The following TMEFF1 variants were observed in gnomAD, a reference collection of about 807,000 sequenced individuals.
TMEFF1 encodes transmembrane protein with EGF like and two follistatin like domains 1.
In TMEFF1, 20 loss-of-function variants were observed where a neutral mutation model predicts 47.5. The observed-to-expected ratio is 0.42, with a 90% CI of 0.30 to 0.61. The LOEUF is 0.61. Among genes scored for constraint, TMEFF1 ranks in the 20% least tolerant of loss-of-function variants. The pLI, the probability that TMEFF1 is intolerant of heterozygous loss-of-function variation, is 0.19. For synonymous variants in TMEFF1, 162 were observed against 166.3 expected (o/e 0.97, Z 0.20); for missense variants, 411 against 471.1 (o/e 0.87, Z 1.18).
intron 1 of TMEFF1, among the ~76,000 whole-genome samples, chr9:100,483,683 A>C (rs1220766369): frequency 1.3e-5 from 2 of 152,146 alleles, no homozygotes; most frequent in African/African-American, 4.8e-5. Flanking sequence ...AACTTAGAAA[A>C]ATGTTGTAAT....
intron 7 of TMEFF1, among the ~76,000 whole-genome samples, chr9:100,555,342 G>A (rs1388191530): frequency 6.6e-6 from 1 of 152,170 alleles, no homozygotes; most frequent in Non-Finnish European, 1.5e-5. Context: ...TGTTGTTTCC[G>A]AAACCATGTT....
chr9:100,479,110 GA>G (rs1184886832), intron 1 of TMEFF1, among the ~76,000 whole-genome samples: 1 of 152,166 alleles, frequency 6.6e-6, no homozygotes, highest in Non-Finnish European at 1.5e-5. Context: ...AATTAATGGG[GA>G]ATCTCGGGCA....
At chr9:100,559,598 AAT>A (rs1838976556) in intron 7 of TMEFF1, among the ~76,000 whole-genome samples, 2 of 152,110 alleles carry the variant, frequency 1.3e-5, no homozygotes, top group Admixed American at 1.3e-4. Context: ...ATTGGATTAA[AAT>A]ATATGATTAA....
chr9:100,559,366 A>G (rs1485213276), intron 7 of TMEFF1, among the ~76,000 whole-genome samples: 1 of 152,200 alleles, frequency 6.6e-6, no homozygotes, highest in Admixed American at 6.5e-5. Flanking sequence ...AGTACCCAGC[A>G]TATACAAGGT....
chr9:100,537,222 A>G (rs1170227413), intron 5 of TMEFF1, among the ~76,000 whole-genome samples: 1 of 152,222 alleles, frequency 6.6e-6, no homozygotes, highest in Non-Finnish European at 1.5e-5. Context: ...TTATGTAAGC[A>G]TAGTGTCCAG....
intron 2 of TMEFF1, 42 bp from the exon 3 acceptor site, chr9:100,508,963 T>C: frequency 6.6e-7 from 1 of 1,515,806 alleles, no homozygotes; most frequent in Non-Finnish European, 8.8e-7. Flanking sequence ...ACTATTAATA[T>C]TCATGCCTAG....
chr9:100,532,421 G>C (rs1010890645), intron 5 of TMEFF1, among the ~76,000 whole-genome samples: 6 of 152,038 alleles, frequency 3.9e-5, no homozygotes, highest in Non-Finnish European at 7.4e-5. Flanking sequence ...TCAAAAAGTG[G>C]GCAAAGGACA....
intron 8 of TMEFF1, among the ~76,000 whole-genome samples, chr9:100,566,516 T>A (rs1418791019): frequency 6.6e-6 from 1 of 152,186 alleles, no homozygotes; most frequent in African/African-American, 2.4e-5. Context: ...CTGACTTCTC[T>A]TTCGTATCCA....
chr9:100,482,323 G>T (rs963235877), intron 1 of TMEFF1, among the ~76,000 whole-genome samples: 3 of 151,882 alleles, frequency 2.0e-5, no homozygotes, highest in African/African-American at 7.3e-5. Context: ...TCAACCTCCA[G>T]AGTAGCTGGG....
At chr9:100,519,914 A>G (rs935990134) in intron 5 of TMEFF1, among the ~76,000 whole-genome samples, 3 of 152,080 alleles carry the variant, frequency 2.0e-5, no homozygotes, top group Non-Finnish European at 2.9e-5. Context: ...TTATATACAC[A>G]TGGTACTAAT....
At chr9:100,511,814 C>T (rs959879970) in intron 3 of TMEFF1, among the ~76,000 whole-genome samples, 2 of 152,074 alleles carry the variant, frequency 1.3e-5, no homozygotes, top group African/African-American at 2.4e-5. Context: ...GGATGTGTAT[C>T]GTAATCTCAG....
chr9:100,488,804 C>G (rs924362197), intron 1 of TMEFF1, among the ~76,000 whole-genome samples: 3 of 152,050 alleles, frequency 2.0e-5, no homozygotes, highest in African/African-American at 7.2e-5. Context: ...CAGGGTGTCC[C>G]TCTTAAAAAA....
intron 1 of TMEFF1, 150 bp from the exon 2 acceptor site, chr9:100,498,615 C>A (rs1837701184): frequency 1.7e-6 from 1 of 583,664 alleles, no homozygotes; most frequent in East Asian, 3.0e-5. Flanking sequence ...TACAGAATTT[C>A]TTTTTGTATA....
chr9:100,491,221 T>G (rs1323287270), intron 1 of TMEFF1, among the ~76,000 whole-genome samples: 2 of 152,198 alleles, frequency 1.3e-5, no homozygotes, highest in Non-Finnish European at 2.9e-5. Flanking sequence ...ATCATGGAAT[T>G]GTTTTGTAGG....
intron 1 of TMEFF1, among the ~76,000 whole-genome samples, chr9:100,476,574 G>GT (rs1837232280): frequency 6.6e-6 from 1 of 151,496 alleles, no homozygotes; most frequent in South Asian, 2.1e-4. Flanking sequence ...TGTATTTTTA[G>GT]TAGGGATGGG....
At chr9:100,513,192 A>G (rs1257613175) in intron 3 of TMEFF1, 115 bp from the exon 4 acceptor site, 1 of 1,388,736 alleles carries the variant, frequency 7.2e-7, no homozygotes, top group Non-Finnish European at 9.9e-7. Flanking sequence ...AATATGAGAA[A>G]AGGACTCTTT....
rs896033415 is a variant in TMEFF1 at position 100,525,608 on chromosome 9, G to A, written c.560+8837G>A. ...TAAACTGAAGTTTTATTATGTAATC[G>A]TGACTGGTTAACTCATTGGTCATTG... is the stretch of plus-strand genomic sequence containing the variant. On this transcript the variant is annotated intron_variant, in intron 5 of 9. Coordinates refer to ENST00000374879, the MANE Select transcript of TMEFF1 (RefSeq NM_003692.5). Among the ~76,000 whole-genome samples the A allele has an allele frequency of 2.0e-5, 3 of 151,520 alleles. No homozygotes were observed. The South Asian group carries it at 6.2e-4, about 32-fold the overall frequency.
intron 5 of TMEFF1, among the ~76,000 whole-genome samples, chr9:100,524,323 C>A (rs1208489244): frequency 6.6e-6 from 1 of 152,150 alleles, no homozygotes; most frequent in Non-Finnish European, 1.5e-5. Context: ...AAATAGAATA[C>A]TGCTATTATT....
At chr9:100,512,840 T>A (rs1051255008) in intron 3 of TMEFF1, among the ~76,000 whole-genome samples, 1 of 152,150 alleles carries the variant, frequency 6.6e-6, no homozygotes, top group Non-Finnish European at 1.5e-5. Context: ...CTTTTGGCTT[T>A]TGGTCTTTAT....
Sources: allele counts gnomAD v4.1 joint callset (sites outside exome capture counted in the v4.1 genomes callset), GRCh38; gene constraint gnomAD v4.1.1; transcripts MANE v1.5; gene names NCBI Gene and HGNC (gene_info 2026-07-23, HGNC 2026-07-21).